Variants in BICRAL observed in about 807,000 individuals in gnomAD.
The protein encoded by BICRAL is BRD4-interacting chromatin-remodeling complex-associated protein-like.
BICRAL carries 8 observed loss-of-function variants against 91.8 expected under a neutral mutation model. The ratio of observed to expected loss-of-function variants is 0.09; its 90% CI spans 0.05 to 0.16. The LOEUF (loss-of-function observed/expected upper bound fraction) is 0.16. Ranked by LOEUF, BICRAL falls within the 10% of genes least tolerant of loss-of-function variation. The probability of loss-of-function intolerance (pLI) is 1.00; values close to 1 mark genes in which losing one functional copy is unlikely to be tolerated. For synonymous variants in BICRAL, 445 were observed against 491.1 expected (o/e 0.91, Z 1.24); for missense variants, 1,038 against 1,310.9 (o/e 0.79, Z 3.21).
intron 6 of BICRAL, among the ~76,000 whole-genome samples, chr6:42,842,897 A>T (rs1764847802): frequency 6.7e-6 from 1 of 149,474 alleles, no homozygotes; most frequent in Non-Finnish European, 1.5e-5. Flanking sequence ...TCTGTCACCC[A>T]GGCTGGAGTG....
chr6:42,867,391 G>A lies in BICRAL; in HGVS notation c.*1945G>A, dbSNP rs1328974875. On this transcript the variant is annotated 3_prime_UTR_variant, in exon 13 of 13. Coordinates refer to ENST00000314073, the MANE Select transcript of BICRAL (RefSeq NM_001393499.1). Reference sequence around the variant, plus strand: ...TATTTGTGCCAATGTCCAAGTTGCAGATTTCCCCTTTTTCCTGTATTGTAA... The same window carrying A: ...TATTTGTGCCAATGTCCAAGTTGCAAATTTCCCCTTTTTCCTGTATTGTAA... 6.5e-6 allele frequency: 1 copy of A among 153,830 alleles called. No homozygotes were observed. The highest frequency in any genetic ancestry group is 2.4e-5 in the African/African-American group (1 of 41,442). The allele number at this position is 153,830 out of a possible 1,614,324, so 9.5% of individuals were successfully genotyped here.
intron 7 of BICRAL, chr6:42,852,608 G>T: frequency 2.9e-6 from 1 of 346,156 alleles, no homozygotes; most frequent in South Asian, 2.2e-5. Flanking sequence ...CTTGCAGTGA[G>T]CTGAGATCAC....
chr6:42,809,320 A>G (rs564165452), intron 1 of BICRAL, among the ~76,000 whole-genome samples: 2 of 151,566 alleles, frequency 1.3e-5, no homozygotes, highest in African/African-American at 2.4e-5. Context: ...CCTCATTCCT[A>G]CCTCAAGTAG....
chr6:42,844,172 A>G (rs1218071141), intron 6 of BICRAL, among the ~76,000 whole-genome samples: 3 of 151,024 alleles, frequency 2.0e-5, no homozygotes, highest in Non-Finnish European at 4.4e-5. Flanking sequence ...GATAGAGTAG[A>G]AAACAGCCAG....
At chr6:42,849,773 C>T (rs1029095318) in intron 6 of BICRAL, among the ~76,000 whole-genome samples, 3 of 150,276 alleles carry the variant, frequency 2.0e-5, no homozygotes, top group Admixed American at 1.3e-4. Context: ...TTAGTTTGGT[C>T]GGATGCAGTG....
chr6:42,781,598 T>C (rs906772382), upstream of BICRAL, among the ~76,000 whole-genome samples: 1 of 129,152 alleles, frequency 7.7e-6, no homozygotes, highest in African/African-American at 2.9e-5. Flanking sequence ...GGTGGGTGGG[T>C]GTGTGTGTGT....
chr6:42,814,521 T>A (rs4343919), intron 2 of BICRAL, among the ~76,000 whole-genome samples: 9,040 of 32,714 alleles, frequency 0.28, 429 homozygotes, highest in East Asian at 0.45. Context: ...ATATATATAT[T>A]TTTTTTTTTT....
Position 42,864,539 on chromosome 6 carries a change from A to G in BICRAL, c.2453-120A>G. ...TGCTTCTGCATGTTCCTGTATGTGA[A>G]GCAGATGGATTCTGTGAGTGGGGCT... On this transcript the variant is annotated intron_variant, in intron 12 of 12. Coordinates refer to ENST00000314073, the MANE Select transcript of BICRAL (RefSeq NM_001393499.1). The G allele has an allele frequency of 4.0e-6, 3 of 758,084 alleles. No homozygotes were observed. In the South Asian group the frequency reaches 5.2e-5, roughly 13 times the overall value. The allele number at this position is 758,084 out of a possible 1,614,324, so 47.0% of individuals were successfully genotyped here. A position where few individuals can be genotyped will look rare whatever the true frequency, so the allele number is the denominator to read the frequency against.
chr6:42,782,766 G>A (rs1407784532), intron 1 of BICRAL, among the ~76,000 whole-genome samples: 1 of 151,996 alleles, frequency 6.6e-6, no homozygotes, highest in Non-Finnish European at 1.5e-5. Context: ...CGGGAAGGAG[G>A]GAGCAGGGCT....
rs1764412450 is a variant in BICRAL, at chr6:42,829,565, C to G, written c.1232C>G (p.Ser411Cys). 1 of 1,614,230 alleles carries G rather than the reference C, an allele frequency of 6.2e-7. No homozygotes were observed. Among genetic ancestry groups the G allele is most frequent in the Non-Finnish European group, 8.5e-7 (1 of 1,180,038 alleles). ...FLIPTSLSVS[S>C]NSVHHVQTIN... is the part of the protein sequence containing the mutation. ...ATACCTACAAGCCTTTCTGTCAGTT[C>G]CAACTCGGTACACCACGTCCAGACT... The change falls in exon 6 of 13, where the codon TCC becomes TGC. Residue 411 changes from serine to cysteine, a missense_variant. Physicochemically the swap from Ser to Cys is moderately radical, Grantham distance 112. This residue lies in a region of BICRAL where 532 missense variants were observed against 724.9 expected (regional missense o/e 0.73). Transcript: ENST00000314073.
intron 2 of BICRAL, among the ~76,000 whole-genome samples, chr6:42,812,307 AAATTAG>A (rs1464786679): frequency 6.6e-6 from 1 of 151,972 alleles, no homozygotes; most frequent in African/African-American, 2.4e-5. Flanking sequence ...AAAAATACAA[AAATTAG>A]CTAGCCATGG....
At chr6:42,805,519 T>A (rs1278044749) in intron 1 of BICRAL, among the ~76,000 whole-genome samples, 1 of 152,206 alleles carries the variant, frequency 6.6e-6, no homozygotes, top group Non-Finnish European at 1.5e-5. Flanking sequence ...TGCCTGCTTC[T>A]GTTGCAGGTT....
Position 42,866,062 on chromosome 6 carries a change from A to G in BICRAL, c.*616A>G, listed in dbSNP as rs1765703962. On this transcript the variant is annotated 3_prime_UTR_variant, in exon 13 of 13. Transcript: ENST00000314073. Reference sequence around the variant, plus strand: ...GACCCGCAGCCCTGGTGGAAAAGCCAGTAGCACATACGCAGGGCATTGCAG... The same window carrying G: ...GACCCGCAGCCCTGGTGGAAAAGCCGGTAGCACATACGCAGGGCATTGCAG... 1 of 152,634 alleles carries G rather than the reference A, an allele frequency of 6.6e-6. No homozygotes were observed. The highest frequency in any genetic ancestry group is 2.1e-4 in the South Asian group (1 of 4,846). 9.5% of individuals were successfully genotyped at this position (152,634 alleles called of 1,614,324 possible).
At chr6:42,845,803 C>T (rs1285213656) in intron 6 of BICRAL, among the ~76,000 whole-genome samples, 9 of 151,394 alleles carry the variant, frequency 5.9e-5, no homozygotes, top group Non-Finnish European at 1.3e-4. Context: ...GTGGCTCACG[C>T]TTATAATCCC....
chr6:42,747,568 G>A (rs982209912), intron 1 of BICRAL, among the ~76,000 whole-genome samples: 2 of 152,082 alleles, frequency 1.3e-5, no homozygotes, highest in Non-Finnish European at 2.9e-5. Context: ...ATAAATTGCT[G>A]GGCCAGAGTA....
chr6:42,810,855 T>C lies in BICRAL; in HGVS notation c.-6+454T>C, dbSNP rs565865295. 5.3e-5 allele frequency among the ~76,000 whole-genome samples: 8 copies of C among 152,348 alleles called. No homozygotes were observed. The South Asian group carries it at 1.0e-3, about 20-fold the overall frequency. On this transcript the variant is annotated intron_variant, in intron 2 of 12. Coordinates refer to ENST00000314073, the MANE Select transcript of BICRAL (RefSeq NM_001393499.1). ...ACAGGAATTAAAGAAGGAGCCTTTC[T>C]AATTTCCTAAGCTGTTTTTCAAGGG...
chr6:42,864,986 C>T lies in BICRAL; in HGVS notation c.2780C>T (p.Pro927Leu). 6.2e-7 allele frequency: 1 copy of T among 1,614,102 alleles called. No homozygotes were observed. Among genetic ancestry groups the T allele is most frequent in the Non-Finnish European group, 8.5e-7 (1 of 1,180,020 alleles). The change falls in exon 13 of 13, where the codon CCT becomes CTT. Residue 927 changes from proline to leucine, a missense_variant. Physicochemically the swap from Pro to Leu is moderately conservative, Grantham distance 98. Coordinates refer to ENST00000314073, the MANE Select transcript of BICRAL (RefSeq NM_001393499.1). ...TSEEKASRRE[P>L]LKASQCSPGP... Reference sequence around the variant, plus strand: ...GAAGAGAAGGCCAGCCGGAGAGAGCCTCTGAAGGCCAGTCAGTGCTCTCCC... The same window carrying T: ...GAAGAGAAGGCCAGCCGGAGAGAGCTTCTGAAGGCCAGTCAGTGCTCTCCC...
intron 5 of BICRAL, among the ~76,000 whole-genome samples, chr6:42,824,186 G>A (rs1047721250): frequency 4.6e-5 from 7 of 151,224 alleles, no homozygotes; most frequent in African/African-American, 1.5e-4. Flanking sequence ...AGCCAAGATC[G>A]CACCATTACA....
rs940318342 is a variant in BICRAL at position 42,774,145 on chromosome 6, C to T, written c.-260-7694C>T. ...GAACATCCTGTGCTTTTGAGAGAGA[C>T]GGAGGACTGAAAAGATAGGGGTTTG... On this transcript the variant is annotated intron_variant, in intron 1 of 14. Transcript: ENST00000614467. Among the ~76,000 whole-genome samples, 3 of 152,038 alleles carry T rather than the reference C, an allele frequency of 2.0e-5. No individual in the cohort carries two copies. In the South Asian group the frequency reaches 6.2e-4, roughly 32 times the overall value.
Sources: allele counts gnomAD v4.1 joint callset (sites outside exome capture counted in the v4.1 genomes callset), GRCh38; gene constraint gnomAD v4.1.1; regional missense constraint gnomAD v4.1.1; transcripts MANE v1.5; gene names NCBI Gene and HGNC (gene_info 2026-07-23, HGNC 2026-07-21).